MYO1C: variants seen among roughly 807,000 people sequenced by gnomAD.
The protein encoded by MYO1C is unconventional myosin-Ic.
In MYO1C, 104 loss-of-function variants were observed where a neutral mutation model predicts 150.8. The observed-to-expected ratio is 0.69, with a 90% CI of 0.59 to 0.81. The LOEUF (loss-of-function observed/expected upper bound fraction) is 0.81. Among genes scored for constraint, MYO1C ranks in the 30% least tolerant of loss-of-function variants. The pLI is 0.00. For missense variants in MYO1C, 1,504 were observed against 1,435.0 expected, an observed-to-expected ratio of 1.05 and a Z score of -0.78; for synonymous variants, 663 against 579.9, an observed-to-expected ratio of 1.14 and a Z score of -2.06.
At chr17:1,485,783 G>T in intron 1 of MYO1C, 1 of 948,878 alleles carries the variant, frequency 1.1e-6, no homozygotes, top group Non-Finnish European at 1.3e-6. Flanking sequence ...GGTGGCGGCG[G>T]CGTCAGCGAG....
chr17:1,474,594 C>T lies in MYO1C; in HGVS notation c.1797+16G>A, dbSNP rs1194018424. 1.2e-6 allele frequency: 2 copies of T among 1,613,302 alleles called. No homozygotes were observed. The highest frequency in any genetic ancestry group is 1.7e-6 in the Non-Finnish European group (2 of 1,179,884). On this transcript the variant is annotated intron_variant, in intron 17 of 31. Transcript: ENST00000648651. ...AGGCGCATGCACCCCTGCGCCCGGT[C>T]CCGCCACCTCCTCACCGTCTCTGGC...
chr17:1,470,197 G>T lies in MYO1C; in HGVS notation c.2504C>A (p.Thr835Lys), dbSNP rs767907001. 1 of 1,611,158 alleles carries T rather than the reference G, an allele frequency of 6.2e-7. No individual in the cohort carries two copies. Among genetic ancestry groups the T allele is most frequent in the Non-Finnish European group, 8.5e-7 (1 of 1,179,326 alleles). The change falls in exon 24 of 32, where the codon ACG becomes AAG. Residue 835 changes from threonine to lysine, a missense_variant. Transcript: ENST00000648651. ...PQNVLDTSWP[T>K]PPPALREASE... The stretch of plus-strand genomic sequence containing the variant: ...GACCTCACGCAGGGCAGGTGGGGGC[G>T]TGGGCCACGAGGTGTCCAGGACATT...
chr17:1,492,562 G>C lies in MYO1C; in HGVS notation c.-75C>G, dbSNP rs1380633444. ...AGCTGCCTGCCCACTGGCGGGCTCC[G>C]ACCACTCCGGGACCAGGAACCTACG... is the stretch of plus-strand genomic sequence containing the variant. On this transcript the variant is annotated 5_prime_UTR_variant, in exon 1 of 32. Coordinates refer to ENST00000648651, the MANE Select transcript of MYO1C (RefSeq NM_001080779.2). The C allele has an allele frequency of 2.2e-6, 3 of 1,392,968 alleles. No individual in the cohort carries two copies. Among genetic ancestry groups the C allele is most frequent in the African/African-American group, 2.9e-5 (2 of 69,896 alleles). The allele number at this position is 1,392,968 out of a possible 1,614,324, so 86.3% of individuals were successfully genotyped here.
intron 5 of MYO1C, 36 bp from the exon 6 acceptor site, chr17:1,480,921 G>C (rs1482827283): frequency 6.2e-7 from 1 of 1,609,868 alleles, no homozygotes; most frequent in Non-Finnish European, 8.5e-7. Context: ...CGGGTCACGG[G>C]GACTGGGAAA....
chr17:1,478,363 G>A lies in MYO1C; in HGVS notation c.1295+47C>T, dbSNP rs1473416197. 3 of 1,606,390 alleles carry A rather than the reference G, an allele frequency of 1.9e-6. No homozygotes were observed. Among genetic ancestry groups the A allele is most frequent in the African/African-American group, 2.7e-5 (2 of 74,794 alleles). On this transcript the variant is annotated intron_variant, in intron 11 of 31. Transcript: ENST00000648651. The surrounding 1 kb of genome is among the most constrained non-coding windows in gnomAD (Gnocchi z 6.3). ...GAGGCTGGAGGACAGAAGAGAGGGA[G>A]CAGGACAGGAGACCGGGAGGAGAGA...
intron 25 of MYO1C, chr17:1,469,260 A>T: frequency 2.0e-6 from 1 of 496,406 alleles, no homozygotes; most frequent in South Asian, 2.0e-5. Flanking sequence ...GGGTAAATAC[A>T]GTAGATTGCG....
chr17:1,488,152 C>T lies in MYO1C; in HGVS notation c.76-3849G>A, dbSNP rs980172000. Among the ~76,000 whole-genome samples, 7 of 152,246 alleles carry T rather than the reference C, an allele frequency of 4.6e-5. 1 individual carries two copies. The South Asian group carries it at 1.4e-3, about 32-fold the overall frequency. On this transcript the variant is annotated intron_variant, in intron 1 of 31. Coordinates refer to ENST00000648651, the MANE Select transcript of MYO1C (RefSeq NM_001080779.2). ...GGGCGGAGCTTCGCGGCCGCAGTGT[C>T]CGCCCCGCCCCTCCACGTCACGCGG... is the stretch of plus-strand genomic sequence containing the variant.
At chr17:1,481,721 G>C (rs2074524970) in intron 5 of MYO1C, among the ~76,000 whole-genome samples, 2 of 150,850 alleles carry the variant, frequency 1.3e-5, no homozygotes, top group Non-Finnish European at 2.9e-5. Flanking sequence ...GGCTGGTCTT[G>C]AACTCCCGAC....
intron 1 of MYO1C, among the ~76,000 whole-genome samples, chr17:1,490,429 T>G (rs1344725745): frequency 1.3e-5 from 2 of 151,972 alleles, no homozygotes; most frequent in African/African-American, 2.4e-5. Flanking sequence ...ACCCGGCAGG[T>G]GGAGGTTGCA....
intron 19 of MYO1C, among the ~76,000 whole-genome samples, chr17:1,471,565 C>T (rs1272687805): frequency 2.0e-5 from 3 of 152,280 alleles, no homozygotes; most frequent in Non-Finnish European, 4.4e-5. Flanking sequence ...CCCCCCAGGC[C>T]CCCGACTCAG....
In MYO1C at chr17:1,480,855, A is replaced by C; in HGVS notation, c.658T>G (p.Tyr220Asp). The change falls in exon 6 of 32, where the codon TAC (tyrosine) becomes GAC (aspartate). Residue 220 changes from tyrosine to aspartate, a missense_variant. Tyr to Asp is a radical substitution (Grantham distance 160). Transcript: ENST00000648651. Reference sequence around the variant, plus strand: ...ACCACTCGTGACTTTTCCAGGAGGTAACTGAGGATGTGGCCACCCACGGGG... The same window carrying C: ...ACCACTCGTGACTTTTCCAGGAGGTCACTGAGGATGTGGCCACCCACGGGG... ...GAPVGGHILS[Y>D]LLEKSRVVHQ... The C allele has an allele frequency of 6.2e-7, 1 of 1,614,102 alleles. No individual in the cohort carries two copies. Among genetic ancestry groups the C allele is most frequent in the South Asian group, 1.1e-5 (1 of 91,080 alleles).
intron 1 of MYO1C, chr17:1,485,775 T>G: frequency 1.0e-6 from 1 of 1,001,634 alleles, no homozygotes; most frequent in Non-Finnish European, 1.2e-6. Context: ...TCGGCGGCGG[T>G]GGCGGCGGCG....
rs761468856 is a variant in MYO1C at position 1,483,690 on chromosome 17, G to C, written c.267C>G (p.Pro89=). 8.1e-6 allele frequency: 13 copies of C among 1,613,074 alleles called. No individual in the cohort carries two copies. The highest frequency in any genetic ancestry group is 9.3e-6 in the Non-Finnish European group (11 of 1,179,756). ...GGCTGTAGATCTGCAGGTCCCGGTA[G>C]GGATTGACAGAGACCAGGACGGGGC... ...YIGPVLVSVN[P]YRDLQIYSRQ... The change falls in exon 3 of 32, where the codon CCC becomes CCG. Residue 89 remains proline (P), a synonymous_variant. Coordinates refer to ENST00000648651, the MANE Select transcript of MYO1C (RefSeq NM_001080779.2).
rs765171314 is a variant in MYO1C, at chr17:1,468,409, G to T, written c.2698C>A (p.Arg900=). ...TGGAAAGTCAGGGGCTCACCAAGCC[G>T]AGTGCTGATGAAGAGCCTGGGTACA... The part of the protein sequence containing the change: ...QSVPRLFIST[R]LGTDEISPRV... Residue 900 remains arginine, a synonymous_variant, in exon 26 of 32, where the codon CGG becomes AGG. Transcript: ENST00000648651. 3 of 1,613,998 alleles carry T rather than the reference G, an allele frequency of 1.9e-6. No individual in the cohort carries two copies. Among genetic ancestry groups the T allele is most frequent in the Non-Finnish European group, 2.5e-6 (3 of 1,179,906 alleles).
chr17:1,483,632 A>C lies in MYO1C; in HGVS notation c.325T>G (p.Phe109Val). The C allele has an allele frequency of 6.2e-7, 1 of 1,611,420 alleles. No homozygotes were observed. Among genetic ancestry groups the C allele is most frequent in the Non-Finnish European group, 8.5e-7 (1 of 1,179,090 alleles). Reference protein sequence around the residue: ...QHMERYRGVSFYEVPPHLFAV... With the variant: ...QHMERYRGVSVYEVPPHLFAV... ...CACAGGTGAGGGGGCACTTCATAGAAGCTGACGCCACGGTAACGCTCCATA... is the reference window on the plus strand; with the variant it reads ...CACAGGTGAGGGGGCACTTCATAGACGCTGACGCCACGGTAACGCTCCATA... Residue 109 changes from phenylalanine to valine, a missense_variant, in exon 3 of 32, where the codon TTC becomes GTC. By Grantham distance (50) the Phe-to-Val change is conservative. Coordinates refer to ENST00000648651, the MANE Select transcript of MYO1C (RefSeq NM_001080779.2).
chr17:1,470,415 C>G lies in MYO1C; in HGVS notation c.2366+20G>C. ...CCCACGCCCTGCTCTGCAGCCCCCACAAGGCACCCTGGCGCTCACCGCCGG... is the reference window on the plus strand; with the variant it reads ...CCCACGCCCTGCTCTGCAGCCCCCAGAAGGCACCCTGGCGCTCACCGCCGG... On this transcript the variant is annotated intron_variant, in intron 23 of 31. Coordinates refer to ENST00000648651, the MANE Select transcript of MYO1C (RefSeq NM_001080779.2). The G allele has an allele frequency of 6.5e-7, 1 of 1,550,142 alleles. No individual in the cohort carries two copies.
chr17:1,470,372 C>G, intron 23 of MYO1C, 38 bp from the exon 24 acceptor site: 1 of 1,538,522 alleles, frequency 6.5e-7, no homozygotes, highest in Admixed American at 2.0e-5. Flanking sequence ...GGGTGAGGGG[C>G]CTGGCGGTGA....
rs373877556 is a variant in MYO1C at position 1,483,898 on chromosome 17, C to T, written c.232-173G>A. On this transcript the variant is annotated intron_variant, in intron 2 of 31. Transcript: ENST00000648651. Reference sequence around the variant, plus strand: ...TCTCTACTAAAAATACAAAATTAGCCGGGCGTGGTGGCGGGTGCCTGTAAT... The same window carrying T: ...TCTCTACTAAAAATACAAAATTAGCTGGGCGTGGTGGCGGGTGCCTGTAAT... Among the ~76,000 whole-genome samples, 155 of 152,170 alleles carry T rather than the reference C, an allele frequency of 1.0e-3. 2 individuals are homozygous for T. Among genetic ancestry groups the T allele is most frequent in the Admixed American group, 3.0e-3 (46 of 15,272 alleles).
At chr17:1,477,438 C>A in intron 14 of MYO1C, 67 bp downstream of exon 14, 1 of 1,421,576 alleles carries the variant, frequency 7.0e-7, no homozygotes, top group Non-Finnish European at 9.9e-7. Flanking sequence ...GGCGGAGGGA[C>A]TCCTGCACTC....
Sources: gnomAD v4.1 joint callset for allele counts (sites outside exome capture counted in the v4.1 genomes callset) on GRCh38, gnomAD v4.1.1 for gene constraint, Gnocchi (gnomAD v3.1) non-coding constraint, MANE v1.5 for transcripts, NCBI Gene and HGNC (gene_info 2026-07-23, HGNC 2026-07-21) for gene names.